KCNB2: variants seen among roughly 807,000 people sequenced by gnomAD.
The protein encoded by KCNB2 is potassium voltage-gated channel subfamily B member 2.
In KCNB2, 15 loss-of-function variants were observed where a neutral mutation model predicts 61.5. The observed-to-expected ratio is 0.24, with a 90% CI of 0.16 to 0.38. The LOEUF (loss-of-function observed/expected upper bound fraction) is 0.38, where lower values mean the gene tolerates loss of function less well. Among genes scored for constraint, KCNB2 ranks in the 10% least tolerant of loss-of-function variants. The probability of loss-of-function intolerance (pLI) is 1.00; values close to 1 mark genes in which losing one functional copy is unlikely to be tolerated. For missense variants in KCNB2, 828 were observed against 1,125.2 expected, an observed-to-expected ratio of 0.74 and a Z score of 3.78; for synonymous variants, 457 against 446.0, an observed-to-expected ratio of 1.02 and a Z score of -0.31.
intron 2 of KCNB2, among the ~76,000 whole-genome samples, chr8:72,892,689 C>A: frequency 6.6e-6 from 1 of 152,256 alleles, no homozygotes; most frequent in East Asian, 1.9e-4. Flanking sequence ...ATGAGACTCC[C>A]AAGCTTAAGC....
At position 72,567,896 on chromosome 8, in the gene KCNB2, C is replaced by A; in HGVS notation, c.162C>A (p.Asp54Glu). 1 of 1,613,996 alleles carries A rather than the reference C, an allele frequency of 6.2e-7. No individual in the cohort carries two copies. Among genetic ancestry groups the A allele is most frequent in the Non-Finnish European group, 8.5e-7 (1 of 1,179,984 alleles). ...ACGAAGTCCTGTGGAGAACGCTGGACAGGCTGCCCAGGACGCGCCTGGGGA... is the reference window on the plus strand; with the variant it reads ...ACGAAGTCCTGTGGAGAACGCTGGAAAGGCTGCCCAGGACGCGCCTGGGGA... ...LNHEVLWRTL[D>E]RLPRTRLGKL... Residue 54 changes from aspartate to glutamate, a missense_variant, in exon 2 of 3, where the codon GAC becomes GAA. Asp to Glu is a conservative substitution (Grantham distance 45). Coordinates refer to ENST00000523207, the MANE Select transcript of KCNB2 (RefSeq NM_004770.3).
At chr8:72,715,450 T>C (rs1167578325) in intron 2 of KCNB2, among the ~76,000 whole-genome samples, 2 of 152,100 alleles carry the variant, frequency 1.3e-5, no homozygotes, top group African/African-American at 2.4e-5. Context: ...ACAGAAATTA[T>C]AACAAACTGT....
intron 2 of KCNB2, among the ~76,000 whole-genome samples, chr8:72,858,548 G>T (rs977482746): frequency 6.6e-6 from 1 of 152,140 alleles, no homozygotes; most frequent in Non-Finnish European, 1.5e-5. Flanking sequence ...TTGTATTAAG[G>T]CACTAAGCAG....
intron 2 of KCNB2, among the ~76,000 whole-genome samples, chr8:72,919,309 A>G (rs1025370839): frequency 5.3e-5 from 8 of 152,176 alleles, no homozygotes; most frequent in Non-Finnish European, 1.2e-4. Context: ...TTCTCTCAGC[A>G]GTGGCCCCCA....
At position 72,778,733 on chromosome 8, in the gene KCNB2, C is replaced by CAAAAAAAAAAA. The variant is rs753797385; in HGVS notation, c.580-157182_580-157172dup. Among the ~76,000 whole-genome samples, 82 of 14,174 alleles carry CAAAAAAAAAAA rather than the reference C, an allele frequency of 5.8e-3. 4 individuals are homozygous for CAAAAAAAAAAA. Among genetic ancestry groups the CAAAAAAAAAAA allele is most frequent in the East Asian group, 0.023 (9 of 394 alleles). 9.3% of individuals were successfully genotyped at this position (14,174 alleles called of 152,430 possible). On this transcript the variant is annotated intron_variant, in intron 2 of 2. Transcript: ENST00000523207. ...ATTCCAGCCTGGGCCACAGAGCGAG[C>CAAAAAAAAAAA]AAAAAAAAAAAAAAAAAAAAAAAAA...
chr8:72,656,506 T>C (rs1341538333), intron 2 of KCNB2, among the ~76,000 whole-genome samples: 1 of 152,190 alleles, frequency 6.6e-6, no homozygotes, highest in Non-Finnish European at 1.5e-5. Flanking sequence ...GCAAAGGCTT[T>C]CATTGTAATG....
chr8:72,864,640 G>A (rs1223986431), intron 2 of KCNB2, among the ~76,000 whole-genome samples: 2 of 152,332 alleles, frequency 1.3e-5, no homozygotes, highest in Non-Finnish European at 2.9e-5. Flanking sequence ...ATACCGATGT[G>A]TGCTGACATG....
chr8:72,875,538 C>CTTTT (rs1202722527), intron 2 of KCNB2, among the ~76,000 whole-genome samples: 6 of 7,642 alleles, frequency 7.9e-4, no homozygotes, highest in South Asian at 2.9e-3. Context: ...CATTGCAAAT[C>CTTTT]TTTTTTTTTT....
At chr8:72,804,026 A>T (rs1809173831) in intron 2 of KCNB2, among the ~76,000 whole-genome samples, 1 of 152,326 alleles carries the variant, frequency 6.6e-6, no homozygotes, top group South Asian at 2.1e-4. Flanking sequence ...GTGAGTGGAC[A>T]TGGCGGGAGA....
chr8:72,866,066 A>G (rs746253750), intron 2 of KCNB2, among the ~76,000 whole-genome samples: 18 of 152,174 alleles, frequency 1.2e-4, no homozygotes, highest in Non-Finnish European at 2.5e-4. Flanking sequence ...CTCTTTGCAC[A>G]TTGTCATTCA....
chr8:72,678,956 G>T (rs1386982747), intron 2 of KCNB2, among the ~76,000 whole-genome samples: 1 of 152,006 alleles, frequency 6.6e-6, no homozygotes, highest in African/African-American at 2.4e-5. Context: ...TTGTGGTGAT[G>T]CCCTTTGAGG....
intron 2 of KCNB2, among the ~76,000 whole-genome samples, chr8:72,832,888 G>A (rs1019967510): frequency 2.6e-5 from 4 of 152,120 alleles, no homozygotes; most frequent in African/African-American, 7.2e-5. Context: ...GACAGAGAGC[G>A]AGATACTCTC....
chr8:72,744,117 T>A (rs1464890459), intron 2 of KCNB2, among the ~76,000 whole-genome samples: 1 of 152,170 alleles, frequency 6.6e-6, no homozygotes, highest in African/African-American at 2.4e-5. Context: ...GAAAGTGATT[T>A]AGGGATACTA....
chr8:72,691,652 G>A (rs1352682062), intron 2 of KCNB2, among the ~76,000 whole-genome samples: 1 of 152,180 alleles, frequency 6.6e-6, no homozygotes, highest in African/African-American at 2.4e-5. Flanking sequence ...GAACCTGGCA[G>A]TTTCTTGACT....
intron 2 of KCNB2, among the ~76,000 whole-genome samples, chr8:72,576,744 C>G (rs898688115): frequency 6.6e-6 from 1 of 152,132 alleles, no homozygotes; most frequent in Non-Finnish European, 1.5e-5. Flanking sequence ...TCCCCTGGAC[C>G]GTAGTTGATG....
At chr8:72,758,768 T>C (rs1172230870) in intron 2 of KCNB2, among the ~76,000 whole-genome samples, 2 of 152,206 alleles carry the variant, frequency 1.3e-5, no homozygotes, top group African/African-American at 4.8e-5. Flanking sequence ...GTGATTTAAT[T>C]GGCAGTCATT....
chr8:72,755,736 G>A (rs1422735343), intron 2 of KCNB2, among the ~76,000 whole-genome samples: 2 of 152,174 alleles, frequency 1.3e-5, no homozygotes, highest in African/African-American at 4.8e-5. Flanking sequence ...ACGAATGAAG[G>A]ATTGCTGCTT....
intron 2 of KCNB2, among the ~76,000 whole-genome samples, chr8:72,796,617 A>G (rs550326881): frequency 2.6e-5 from 4 of 152,234 alleles, no homozygotes; most frequent in East Asian, 1.9e-4. Context: ...AGATAATAAG[A>G]TTGGGATTAA....
In KCNB2 at chr8:72,937,379, C is replaced by T; in HGVS notation, c.2024C>T (p.Thr675Ile). 1 of 1,614,098 alleles carries T rather than the reference C, an allele frequency of 6.2e-7. No homozygotes were observed. The highest frequency in any genetic ancestry group is 8.5e-7 in the Non-Finnish European group (1 of 1,180,016). Reference protein sequence around the residue: ...GTLEYAPVDITVNLDASGSQC... With the variant: ...GTLEYAPVDIIVNLDASGSQC... ...CTGGAGTATGCCCCAGTTGACATAA[C>T]TGTGAACCTCGATGCCAGTGGCTCC... The change falls in exon 3 of 3, where the codon ACT becomes ATT. Residue 675 changes from threonine to isoleucine, a missense_variant. Coordinates refer to ENST00000523207, the MANE Select transcript of KCNB2 (RefSeq NM_004770.3).
Sources: gnomAD v4.1 joint callset for allele counts (sites outside exome capture counted in the v4.1 genomes callset) on GRCh38, gnomAD v4.1.1 for gene constraint, MANE v1.5 for transcripts, NCBI Gene and HGNC (gene_info 2026-07-23, HGNC 2026-07-21) for gene names.